ANKS1B: variants seen among roughly 807,000 people sequenced by gnomAD.
The protein encoded by ANKS1B is ankyrin repeat and sterile alpha motif domain containing 1B, also known as ankyrin repeat and sterile alpha motif domain-containing protein 1B.
ANKS1B carries 36 observed loss-of-function variants against 148.3 expected under a neutral mutation model. The observed-to-expected ratio is 0.24, with a 90% confidence interval of 0.19 to 0.32. The LOEUF is 0.32. Among genes scored for constraint, ANKS1B ranks in the 10% least tolerant of loss-of-function variants. ANKS1B has a pLI of 1.00. For synonymous variants in ANKS1B, 542 were observed against 560.8 expected (o/e 0.97, Z 0.47); for missense variants, 1,157 against 1,542.6 (o/e 0.75, Z 4.19).
intron 16 of ANKS1B, among the ~76,000 whole-genome samples, chr12:99,071,723 C>T (rs1170999796): frequency 6.6e-6 from 1 of 151,706 alleles, no homozygotes; most frequent in Non-Finnish European, 1.5e-5. Flanking sequence ...TCTTGGCTCA[C>T]TGCAAGCTCC....
intron 1 of ANKS1B, among the ~76,000 whole-genome samples, chr12:99,883,526 A>AT (rs776116827): frequency 1.7e-4 from 26 of 152,212 alleles, no homozygotes; most frequent in Non-Finnish European, 3.7e-4. Flanking sequence ...CATAAAAAAA[A>AT]TTTTGATAAA....
intron 17 of ANKS1B, among the ~76,000 whole-genome samples, chr12:98,901,935 T>G (rs1360369971): frequency 6.6e-6 from 1 of 152,182 alleles, no homozygotes; most frequent in East Asian, 1.9e-4. Context: ...ACTTACCAAT[T>G]TTATTATTCT....
intron 17 of ANKS1B, among the ~76,000 whole-genome samples, chr12:98,916,217 G>C (rs561004315): frequency 6.6e-6 from 1 of 152,310 alleles, no homozygotes; most frequent in South Asian, 2.1e-4. Flanking sequence ...GAGCTACAGG[G>C]AGCAATCCAA....
chr12:99,596,694 A>C (rs1029600823), intron 9 of ANKS1B, among the ~76,000 whole-genome samples: 3 of 152,038 alleles, frequency 2.0e-5, no homozygotes, highest in African/African-American at 4.8e-5. Flanking sequence ...TCTCAAAATT[A>C]GTGATTTTCT....
chr12:99,250,856 C>T (rs2074492873), intron 12 of ANKS1B, among the ~76,000 whole-genome samples: 1 of 152,142 alleles, frequency 6.6e-6, no homozygotes, highest in East Asian at 1.9e-4. Flanking sequence ...ATGTGTTAGT[C>T]CATTTGGGCT....
chr12:98,948,776 CA>C (rs140724436), intron 17 of ANKS1B, among the ~76,000 whole-genome samples: 7,293 of 145,666 alleles, frequency 0.05, 451 homozygotes, highest in African/African-American at 0.13. Flanking sequence ...CACCCCCCCC[CA>C]CACACACACA....
chr12:98,765,791 T>G lies in ANKS1B; in HGVS notation c.3579+7251A>C, dbSNP rs191839430. 2.7e-3 allele frequency among the ~76,000 whole-genome samples: 417 copies of G among 152,338 alleles called. 3 individuals carry two copies. Among genetic ancestry groups the G allele is most frequent in the Non-Finnish European group, 2.5e-3 (168 of 68,030 alleles). ...TTGTATCTTTAGTAGAGACAGGGTT[T>G]TACCATGTTGGCCAGGCTAGTCTGG... On this transcript the variant is annotated intron_variant, in intron 25 of 26. Transcript: ENST00000683438.
chr12:98,982,977 T>C (rs1050943389), intron 17 of ANKS1B, among the ~76,000 whole-genome samples: 23 of 152,264 alleles, frequency 1.5e-4, no homozygotes, highest in Non-Finnish European at 4.4e-5. Context: ...AGTGGTTATA[T>C]TGACTTGTTC....
At chr12:99,519,364 G>A (rs962438852) in intron 9 of ANKS1B, among the ~76,000 whole-genome samples, 1 of 152,084 alleles carries the variant, frequency 6.6e-6, no homozygotes, top group East Asian at 1.9e-4. Context: ...TGTCTCTTTA[G>A]CTCTAATAAT....
chr12:99,315,771 T>C (rs1231494732), intron 12 of ANKS1B, among the ~76,000 whole-genome samples: 2 of 152,140 alleles, frequency 1.3e-5, no homozygotes, highest in Non-Finnish European at 1.5e-5. Flanking sequence ...GCTGCACTCA[T>C]TAACTCATCA....
chr12:99,635,918 T>C (rs2098230372), intron 9 of ANKS1B, among the ~76,000 whole-genome samples: 1 of 151,944 alleles, frequency 6.6e-6, no homozygotes, highest in South Asian at 2.1e-4. Flanking sequence ...AATCTGAAAA[T>C]AAATAAAACT....
intron 17 of ANKS1B, among the ~76,000 whole-genome samples, chr12:98,848,153 CAACA>C (rs1325661379): frequency 9.2e-5 from 14 of 152,146 alleles, no homozygotes; most frequent in African/African-American, 3.4e-4. Context: ...GAAAACCAAG[CAACA>C]AACAATGACT....
At chr12:98,937,116 T>C (rs2099819508) in intron 17 of ANKS1B, among the ~76,000 whole-genome samples, 1 of 152,214 alleles carries the variant, frequency 6.6e-6, no homozygotes, top group Non-Finnish European at 1.5e-5. Context: ...AAGTGGAGAA[T>C]GCATACTCCA....
chr12:99,854,615 G>A (rs920769791), intron 1 of ANKS1B, among the ~76,000 whole-genome samples: 1 of 152,034 alleles, frequency 6.6e-6, no homozygotes, highest in African/African-American at 2.4e-5. Flanking sequence ...CTAAAGTCAA[G>A]ACAAAGAAAA....
At position 99,110,675 on chromosome 12, in the gene ANKS1B, G is replaced by A. The variant is rs567202501; in HGVS notation, c.2527-25652C>T. Among the ~76,000 whole-genome samples the A allele has an allele frequency of 2.0e-4, 30 of 152,212 alleles. 1 individual carries two copies. Among genetic ancestry groups the A allele is most frequent in the Admixed American group, 1.6e-3 (24 of 15,286 alleles). On this transcript the variant is annotated intron_variant, in intron 15 of 26. Coordinates refer to ENST00000683438, the MANE Select transcript of ANKS1B (RefSeq NM_001352186.2). ...ATTGCTTGGTTTGAAAAATAAAAGC[G>A]TTTCTGAGAAATATTAGAACACTAA...
chr12:99,825,358 C>T lies in ANKS1B; in HGVS notation c.166G>A (p.Asp56Asn). 1 of 1,612,304 alleles carries T rather than the reference C, an allele frequency of 6.2e-7. No individual in the cohort carries two copies. Among genetic ancestry groups the T allele is most frequent in the Non-Finnish European group, 8.5e-7 (1 of 1,179,196 alleles). The change falls in exon 2 of 27, where the codon GAC (aspartate) becomes AAC (asparagine). Residue 56 changes from aspartate (D) to asparagine (N), a missense_variant. Transcript: ENST00000683438. The stretch of plus-strand genomic sequence containing the variant: ...TGTAAAGCAGTGTAACCCGAACTGT[C>T]TGTGCAGTTCACATTGGGGCCTCGC... ...IWRGPNVNCT[D>N]SSGYTALHHA...
intron 8 of ANKS1B, among the ~76,000 whole-genome samples, chr12:99,665,303 T>G (rs1378746666): frequency 6.6e-6 from 1 of 152,208 alleles, no homozygotes; most frequent in Admixed American, 6.5e-5. Context: ...TGGGTATGCA[T>G]GTAGAGTTAT....
In ANKS1B at chr12:99,785,428, T is replaced by C. The variant is rs199724071; in HGVS notation, c.670-3331A>G. 1.2e-4 allele frequency among the ~76,000 whole-genome samples: 18 copies of C among 151,532 alleles called. No homozygotes were observed. The East Asian group carries it at 2.5e-3, about 21-fold the overall frequency. On this transcript the variant is annotated intron_variant, in intron 4 of 26. Coordinates refer to ENST00000683438, the MANE Select transcript of ANKS1B (RefSeq NM_001352186.2). ...AAATAACATACAATGTAAAAACTCT[T>C]TTTTTTTTCTGTTTTTCTTTTTTGA...
At chr12:99,565,252 G>T (rs974358311) in intron 9 of ANKS1B, among the ~76,000 whole-genome samples, 1 of 152,148 alleles carries the variant, frequency 6.6e-6, no homozygotes, top group African/African-American at 2.4e-5. Context: ...ATATAGATGA[G>T]CTCCAAGTCT....
Sources: gnomAD v4.1 joint callset for allele counts (sites outside exome capture counted in the v4.1 genomes callset) on GRCh38, gnomAD v4.1.1 for gene constraint, MANE v1.5 for transcripts, NCBI Gene and HGNC (gene_info 2026-07-23, HGNC 2026-07-21) for gene names.